PDE10A: variants seen among roughly 807,000 people sequenced by gnomAD.
PDE10A encodes cAMP and cAMP-inhibited cGMP 3',5'-cyclic phosphodiesterase 10A.
Under a neutral mutation model 97.7 loss-of-function variants are expected in PDE10A, and 39 were observed. That is an observed-to-expected ratio of 0.40 (90% CI 0.31 to 0.52). The LOEUF (loss-of-function observed/expected upper bound fraction) is 0.52, where lower values mean the gene tolerates loss of function less well. Among genes scored for constraint, PDE10A ranks in the 20% least tolerant of loss-of-function variants. The probability of loss-of-function intolerance (pLI) is 0.56; values close to 1 mark genes in which losing one functional copy is unlikely to be tolerated. For synonymous variants in PDE10A, 371 were observed against 376.8 expected (o/e 0.98, Z 0.18); for missense variants, 731 against 1,047.8 (o/e 0.70, Z 4.17).
intron 1 of PDE10A, among the ~76,000 whole-genome samples, chr6:165,941,834 A>G (rs540673463): frequency 1.3e-5 from 2 of 152,282 alleles, no homozygotes; most frequent in Admixed American, 6.5e-5. Context: ...CTTTATAACA[A>G]TGGAAGAGTG....
chr6:165,945,608 C>A (rs1783739441), intron 1 of PDE10A, among the ~76,000 whole-genome samples: 1 of 152,132 alleles, frequency 6.6e-6, no homozygotes, highest in South Asian at 2.1e-4. Flanking sequence ...TTGCCCATTC[C>A]ACCATGTGAA....
intron 2 of PDE10A, among the ~76,000 whole-genome samples, chr6:165,521,424 G>A (rs930681571): frequency 1.3e-5 from 2 of 152,150 alleles, no homozygotes; most frequent in African/African-American, 4.8e-5. Flanking sequence ...AGTGAGGAAG[G>A]CACGTCAAAA....
chr6:165,486,684 G>C (rs540346145), intron 2 of PDE10A, among the ~76,000 whole-genome samples: 16 of 152,306 alleles, frequency 1.1e-4, no homozygotes, highest in Non-Finnish European at 7.3e-5. Flanking sequence ...TTGCTGGCCA[G>C]AGTTTTGGAA....
chr6:165,841,130 C>CA (rs1407012521), intron 1 of PDE10A, among the ~76,000 whole-genome samples: 1 of 152,208 alleles, frequency 6.6e-6, no homozygotes, highest in Non-Finnish European at 1.5e-5. Flanking sequence ...GTCGTCTCTT[C>CA]AATTTACTTT....
chr6:165,344,452 AT>A (rs1371630594), intron 18 of PDE10A, among the ~76,000 whole-genome samples: 2 of 152,190 alleles, frequency 1.3e-5, no homozygotes, highest in Non-Finnish European at 2.9e-5. Flanking sequence ...TCTAGCTCCT[AT>A]CTCAATTCGA....
At chr6:165,493,542 C>A (rs1050554318) in intron 2 of PDE10A, among the ~76,000 whole-genome samples, 1 of 152,106 alleles carries the variant, frequency 6.6e-6, no homozygotes, top group African/African-American at 2.4e-5. Flanking sequence ...GAAATACTTA[C>A]TGTCAAGTGA....
chr6:165,851,109 TC>T, intron 1 of PDE10A, among the ~76,000 whole-genome samples: 1 of 152,362 alleles, frequency 6.6e-6, no homozygotes, highest in East Asian at 1.9e-4. Context: ...AAGACAACTT[TC>T]TGCCTCTATC....
chr6:165,506,222 T>TA (rs1296468407), intron 2 of PDE10A, among the ~76,000 whole-genome samples: 2 of 152,148 alleles, frequency 1.3e-5, no homozygotes, highest in Non-Finnish European at 2.9e-5. Flanking sequence ...TTCTAGACCA[T>TA]AGAGTTCCAA....
intron 1 of PDE10A, chr6:165,781,992 G>A (rs1395051683): frequency 6.6e-6 from 1 of 152,194 alleles, no homozygotes; most frequent in Non-Finnish European, 1.5e-5. Context: ...CAACAGCAAA[G>A]TAAGACAATG....
chr6:165,545,872 A>C (rs1783714180), intron 1 of PDE10A, among the ~76,000 whole-genome samples: 2 of 152,072 alleles, frequency 1.3e-5, no homozygotes, highest in South Asian at 4.1e-4. Flanking sequence ...TACAAAGCTA[A>C]ATAGAGTCTT....
chr6:165,642,456 T>C (rs1583699785), intron 1 of PDE10A, among the ~76,000 whole-genome samples: 1 of 152,258 alleles, frequency 6.6e-6, no homozygotes, highest in Admixed American at 6.5e-5. Flanking sequence ...AACGTGGAAT[T>C]AAAATAAAGA....
intron 1 of PDE10A, among the ~76,000 whole-genome samples, chr6:165,827,158 G>T (rs891844757): frequency 6.6e-6 from 1 of 152,188 alleles, no homozygotes; most frequent in Non-Finnish European, 1.5e-5. Flanking sequence ...TTCCCCTCTT[G>T]TGCGCTCAGG....
intron 1 of PDE10A, among the ~76,000 whole-genome samples, chr6:165,733,220 C>G (rs1792483810): frequency 6.6e-6 from 1 of 152,190 alleles, no homozygotes; most frequent in South Asian, 2.1e-4. Context: ...TGAGATACAA[C>G]AAATAATCCA....
At chr6:165,899,149 C>T (rs1016717590) in intron 1 of PDE10A, among the ~76,000 whole-genome samples, 4 of 152,130 alleles carry the variant, frequency 2.6e-5, no homozygotes, top group Admixed American at 1.3e-4. Context: ...TTTTGTGGTA[C>T]GAATGCAAGC....
At chr6:165,639,700 T>C (rs959109121) in intron 1 of PDE10A, among the ~76,000 whole-genome samples, 2 of 145,182 alleles carry the variant, frequency 1.4e-5, no homozygotes, top group Admixed American at 7.0e-5. Flanking sequence ...GGTTGCACCA[T>C]TGCACTCCAG....
chr6:165,334,086 T>G (rs1404469918), intron 21 of PDE10A, among the ~76,000 whole-genome samples: 1 of 152,238 alleles, frequency 6.6e-6, no homozygotes, highest in African/African-American at 2.4e-5. Flanking sequence ...GAAAAAGCCA[T>G]ACACTAATTT....
intron 1 of PDE10A, among the ~76,000 whole-genome samples, chr6:165,896,507 C>A (rs1420460992): frequency 2.0e-5 from 3 of 147,272 alleles, no homozygotes; most frequent in African/African-American, 7.6e-5. Context: ...GTGCCCACCA[C>A]AACACGCCAG....
intron 1 of PDE10A, among the ~76,000 whole-genome samples, chr6:165,737,381 A>C (rs1792603252): frequency 6.6e-6 from 1 of 152,246 alleles, no homozygotes; most frequent in African/African-American, 2.4e-5. Context: ...CATATGTGCA[A>C]AAATCCTTGA....
chr6:165,941,289 G>C (rs950235764), intron 1 of PDE10A, among the ~76,000 whole-genome samples: 3 of 152,084 alleles, frequency 2.0e-5, no homozygotes, highest in African/African-American at 7.2e-5. Flanking sequence ...CATCCAAAGA[G>C]AAAAAATGGA....
Sources: gnomAD v4.1 joint callset for allele counts (sites outside exome capture counted in the v4.1 genomes callset) on GRCh38, gnomAD v4.1.1 for gene constraint, MANE v1.5 for transcripts, NCBI Gene and HGNC (gene_info 2026-07-23, HGNC 2026-07-21) for gene names.